The following TTN variants were observed in gnomAD, a reference collection of about 807,000 sequenced individuals.
TTN encodes the protein titin, also known as connectin.
In TTN, 1,525 loss-of-function variants were observed where a neutral mutation model predicts 3,223.0. The ratio of observed to expected loss-of-function variants is 0.47; its 90% confidence interval spans 0.45 to 0.49. The LOEUF is 0.49. TTN is among the 20% of genes least tolerant of loss of function. The pLI is 0.00. For missense variants in TTN, 40,786 were observed against 43,424.0 expected, an observed-to-expected ratio of 0.94 and a Z score of 5.40; for synonymous variants, 14,094 against 15,161.0, an observed-to-expected ratio of 0.93 and a Z score of 5.17.
In TTN at chr2:178,570,898, C is replaced by G; in HGVS notation, c.75234G>C (p.Glu25078Asp). The G allele has an allele frequency of 6.2e-7, 1 of 1,613,562 alleles. No homozygotes were observed. Among genetic ancestry groups the G allele is most frequent in the East Asian group, 2.2e-5 (1 of 44,814 alleles). The change falls in exon 326 of 363, where the codon GAG becomes GAC. Residue 25078 changes from glutamate (E) to aspartate (D), a missense_variant. By Grantham distance (45) the Glu-to-Asp change is conservative (BLOSUM62 2). Coordinates refer to ENST00000589042, the MANE Select transcript of TTN (RefSeq NM_001267550.2). Reference protein sequence around the residue: ...VTGLVEDHRYEFRVIARNAAG... With the variant: ...VTGLVEDHRYDFRVIARNAAG... ...CGGCATTTCGGGCTATAACCCGGAACTCATATCTGTGATCTTCAACTAGGC... is the reference window on the plus strand; with the variant it reads ...CGGCATTTCGGGCTATAACCCGGAAGTCATATCTGTGATCTTCAACTAGGC...
intron 23 of TTN, 21 bp from the exon 24 acceptor site, chr2:178,779,139 G>A: frequency 1.2e-6 from 2 of 1,613,340 alleles, no homozygotes; most frequent in Non-Finnish European, 1.7e-6. Context: ...TACCATGCAT[G>A]TATGAATAAA....
chr2:178,560,810 A>C lies in TTN; in HGVS notation c.85322T>G (p.Val28441Gly), dbSNP rs759245283. ...TLKNVAGTRS[V>G]AVNCKVLDKP... ...ATCAAGTACTTTGCAATTAACGGCC[A>C]CAGACCGAGTGCCGGCAACATTCTT... Residue 28441 changes from valine to glycine, a missense_variant, in exon 326 of 363, where the codon GTG becomes GGG. Physicochemically the swap from Val to Gly is moderately radical, Grantham distance 109. Coordinates refer to ENST00000589042, the MANE Select transcript of TTN (RefSeq NM_001267550.2). 9 of 1,613,750 alleles carry C rather than the reference A, an allele frequency of 5.6e-6. No individual in the cohort carries two copies. Among genetic ancestry groups the C allele is most frequent in the South Asian group, 5.5e-5 (5 of 91,080 alleles).
rs1451485299 is a variant in TTN at position 178,775,930 on chromosome 2, C to T, written c.5934G>A (p.Lys1978=). ...GGGTAATTCTTTCAGCCCTTTTCAA[C>T]TTCACAACTTCTTTGGTTTCAGTGG... ...VDTTETKEVV[K]LKRAERITHE... is the part of the protein sequence containing the mutation. Residue 1978 remains lysine (K), a synonymous_variant, in exon 28 of 363, where the codon AAG becomes AAA. Transcript: ENST00000589042. The T allele has an allele frequency of 6.2e-7, 1 of 1,614,014 alleles. No individual in the cohort carries two copies. The highest frequency in any genetic ancestry group is 8.5e-7 in the Non-Finnish European group (1 of 1,180,022).
intron 88 of TTN, among the ~76,000 whole-genome samples, chr2:178,716,756 G>A (rs2077544466): frequency 1.3e-5 from 2 of 151,970 alleles, no homozygotes; most frequent in African/African-American, 2.4e-5. Flanking sequence ...AGTACTGTGG[G>A]AAAAAAGTCA....
chr2:178,747,309 G>T lies in TTN; in HGVS notation c.11312-5388C>A, dbSNP rs182100836. ...TATCTTTCAGCAACTTCCCCTAAAG[G>T]TGTGGAATATCTTTCAACTGTCTCA... is the stretch of plus-strand genomic sequence containing the variant. On this transcript the variant is annotated intron_variant, in intron 47 of 362. Transcript: ENST00000589042. 5 of 1,613,318 alleles carry T rather than the reference G, an allele frequency of 3.1e-6. 1 individual carries two copies. The South Asian group carries it at 4.4e-5, about 14-fold the overall frequency.
chr2:178,598,958 C>A lies in TTN; in HGVS notation c.56752G>T (p.Gly18918Trp), dbSNP rs762541850. Reference protein sequence around the residue: ...PEYDGGSPVTGYWLEMKDTTS... With the variant: ...PEYDGGSPVTWYWLEMKDTTS... The stretch of plus-strand genomic sequence containing the variant: ...GTGTCTTTCATTTCCAGCCAGTACC[C>A]TGTCACAGGAGAGCCTCCATCATAT... Residue 18918 changes from glycine to tryptophan, a missense_variant, in exon 291 of 363, where the codon GGG (glycine) becomes TGG (tryptophan). Transcript: ENST00000589042. 1 of 1,612,668 alleles carries A rather than the reference C, an allele frequency of 6.2e-7. No homozygotes were observed. Among genetic ancestry groups the A allele is most frequent in the Non-Finnish European group, 8.5e-7 (1 of 1,179,446 alleles).
chr2:178,650,227 G>T lies in TTN; in HGVS notation c.39754C>A (p.Pro13252Thr), dbSNP rs765516524. ...EEIAPEEEIAPEEEKPVPVAE... is the reference protein window; with the variant it reads ...EEIAPEEEIATEEEKPVPVAE... ...ACAGGAACTGGCTTTTCCTCTTCAG[G>T]AGCAATTTCCTCTTCAGGAGCAATT... Residue 13252 changes from proline (P) to threonine (T), a missense_variant, in exon 210 of 363, where the codon CCT becomes ACT. Pro to Thr is a conservative substitution (Grantham distance 38). Coordinates refer to ENST00000589042, the MANE Select transcript of TTN (RefSeq NM_001267550.2). The T allele has an allele frequency of 5.8e-6, 9 of 1,556,198 alleles. No homozygotes were observed. The South Asian group carries it at 1.1e-4, about 18-fold the overall frequency.
chr2:178,806,098 T>C (rs1014302801), intron 1 of TTN, among the ~76,000 whole-genome samples: 2 of 152,220 alleles, frequency 1.3e-5, no homozygotes, highest in African/African-American at 4.8e-5. Flanking sequence ...TTCTGTTCCT[T>C]ACTGTAACCT....
intron 102 of TTN, 22 bp downstream of exon 102, chr2:178,706,432 T>A (rs373787306): frequency 6.3e-7 from 1 of 1,590,932 alleles, no homozygotes; most frequent in Non-Finnish European, 8.6e-7. Flanking sequence ...ATTGTACGAT[T>A]TGTGGTTTTT....
In TTN at chr2:178,636,603, A is replaced by C. The variant is rs794729424; in HGVS notation, c.41124T>G (p.Cys13708Trp). Reference protein sequence around the residue: ...EFVGSSAIFECLVSPSTAITT... With the variant: ...EFVGSSAIFEWLVSPSTAITT... Reference sequence around the variant, plus strand: ...TAATTGCAGTGGAAGGGGAGACCAAACATTCAAAGATTGCTGAAGAGCCAA... The same window carrying C: ...TAATTGCAGTGGAAGGGGAGACCAACCATTCAAAGATTGCTGAAGAGCCAA... The change falls in exon 225 of 363, where the codon TGT becomes TGG. Residue 13708 changes from cysteine to tryptophan, a missense_variant. Coordinates refer to ENST00000589042, the MANE Select transcript of TTN (RefSeq NM_001267550.2). The surrounding 1 kb of genome is among the most constrained non-coding windows in gnomAD (Gnocchi z 4.3). 1.2e-6 allele frequency: 2 copies of C among 1,613,480 alleles called. No homozygotes were observed.
rs1318331074 is a variant in TTN, at chr2:178,558,251, AGAAAGT to A, written c.87119-22_87119-17del. 1 of 1,594,230 alleles carries A rather than the reference AGAAAGT, an allele frequency of 6.3e-7. No homozygotes were observed. Among genetic ancestry groups the A allele is most frequent in the African/African-American group, 1.4e-5 (1 of 73,526 alleles). On this transcript the variant is annotated splice_polypyrimidine_tract_variant and intron_variant, in intron 327 of 362. Transcript: ENST00000589042. ...TCAGGTGGTTCTGAAAAATGAGTAT[AGAAAGT>A]GAAAGTGAAAAAGTGTTTCTGAAAA...
At chr2:178,744,700 A>AT in intron 47 of TTN, 1 of 979,940 alleles carries the variant, frequency 1.0e-6, no homozygotes, top group Non-Finnish European at 1.2e-6. Flanking sequence ...CTTTTTTTAA[A>AT]TTTTAAAGAT....
At position 178,609,306 on chromosome 2, in the gene TTN, C is replaced by T. The variant is rs367603302; in HGVS notation, c.52004G>A (p.Arg17335His). 8.7e-5 allele frequency: 139 copies of T among 1,605,200 alleles called. No homozygotes were observed. The highest frequency in any genetic ancestry group is 3.9e-4 in the African/African-American group (29 of 74,434). Residue 17335 changes from arginine (R) to histidine (H), a missense_variant, in exon 273 of 363, where the codon CGC becomes CAC. Arg to His is a conservative substitution (Grantham distance 29). Coordinates refer to ENST00000589042, the MANE Select transcript of TTN (RefSeq NM_001267550.2). ...DNSKKGESQL[R>H]VRDSLRPDHG... ...GTCAGGTCGGAGAGAATCTCGGACG[C>T]GTAGCTGAGATTCTCCCTTTTTGCT...
intron 223 of TTN, among the ~76,000 whole-genome samples, chr2:178,638,070 C>T (rs1431229222): frequency 6.6e-6 from 1 of 151,956 alleles, no homozygotes; most frequent in East Asian, 1.9e-4. Context: ...CTGAGAATAG[C>T]TTTATTTTTA....
chr2:178,732,016 G>A, intron 57 of TTN, 45 bp from the exon 58 acceptor site: 1 of 1,589,748 alleles, frequency 6.3e-7, no homozygotes, highest in Non-Finnish European at 8.6e-7. Context: ...GGAGGGGTCT[G>A]TGCCATGGGC....
Position 178,544,331 on chromosome 2 carries a change from TC to T in TTN, c.95897del (p.Arg31966LysfsTer23). The part of the protein sequence containing the change: ...WYRVHTNATI[R>X]NTEFTVPDLK... Reference sequence around the variant, plus strand: ...GGTCTGGCACAGTGAATTCAGTATTTCTTATTGTGGCATTGGTATGCACTCG... The same window carrying T: ...GGTCTGGCACAGTGAATTCAGTATTTTTATTGTGGCATTGGTATGCACTCG... On this transcript the variant is annotated frameshift_variant, in exon 345 of 363. Coordinates refer to ENST00000589042, the MANE Select transcript of TTN (RefSeq NM_001267550.2). LOFTEE classifies it high-confidence loss of function. 4 of 1,613,762 alleles carry T rather than the reference TC, an allele frequency of 2.5e-6. No individual in the cohort carries two copies. The highest frequency in any genetic ancestry group is 3.4e-6 in the Non-Finnish European group (4 of 1,179,730).
chr2:178,794,976 A>G lies in TTN; in HGVS notation c.1191T>C (p.Ser397=). 1.2e-6 allele frequency: 2 copies of G among 1,607,106 alleles called. No individual in the cohort carries two copies. Among genetic ancestry groups the G allele is most frequent in the Non-Finnish European group, 1.7e-6 (2 of 1,179,974 alleles). ...TISGAAGAAA[S]VSASASYAAE... ...CTGCGTAGCTAGCACTGGCCGACAC[A>G]CTGGCGGCAGCACCCGCAGCACCAC... Residue 397 remains serine (S), a synonymous_variant, in exon 7 of 363, where the codon AGT becomes AGC. Coordinates refer to ENST00000589042, the MANE Select transcript of TTN (RefSeq NM_001267550.2).
At position 178,594,604 on chromosome 2, in the gene TTN, G is replaced by A; in HGVS notation, c.57890C>T (p.Thr19297Ile). ...RPEDLEVKEV[T>I]KNTVTLTWNP... ...CCAAGTCAAAGTTACAGTATTTTTA[G>A]TAACTTCTTTGACTTCCAGGTCTTC... is the stretch of plus-strand genomic sequence containing the variant. The change falls in exon 296 of 363, where the codon ACT (threonine) becomes ATT (isoleucine). Residue 19297 changes from threonine (T) to isoleucine (I), a missense_variant. Physicochemically the swap from Thr to Ile is moderately conservative, Grantham distance 89. Transcript: ENST00000589042. The A allele has an allele frequency of 6.2e-7, 1 of 1,612,110 alleles. No homozygotes were observed. The highest frequency in any genetic ancestry group is 1.1e-5 in the South Asian group (1 of 90,824).
At position 178,776,259 on chromosome 2, in the gene TTN, G is replaced by T; in HGVS notation, c.5605C>A (p.Gln1869Lys). The change falls in exon 28 of 363, where the codon CAG (glutamine) becomes AAG (lysine). Residue 1869 changes from glutamine (Q) to lysine (K), a missense_variant. Gln to Lys is a moderately conservative substitution (Grantham distance 53). Coordinates refer to ENST00000589042, the MANE Select transcript of TTN (RefSeq NM_001267550.2). ...RFRCRVTGYP[Q>K]PKVNWYLNGQ... ...TTGAGGTACCAGTTGACTTTGGGCTGAGGGTAGCCTGTTACCCTGCAGCGG... is the reference window on the plus strand; with the variant it reads ...TTGAGGTACCAGTTGACTTTGGGCTTAGGGTAGCCTGTTACCCTGCAGCGG... 1 of 1,614,168 alleles carries T rather than the reference G, an allele frequency of 6.2e-7. No individual in the cohort carries two copies. The highest frequency in any genetic ancestry group is 8.5e-7 in the Non-Finnish European group (1 of 1,180,010).
Sources: gnomAD v4.1 joint callset for allele counts (sites outside exome capture counted in the v4.1 genomes callset) on GRCh38, gnomAD v4.1.1 for gene constraint, Gnocchi (gnomAD v3.1) non-coding constraint, MANE v1.5 for transcripts, NCBI Gene and HGNC (gene_info 2026-07-23, HGNC 2026-07-21) for gene names.